The following PTPRD variants were observed in gnomAD, a reference collection of about 807,000 sequenced individuals.
PTPRD encodes protein tyrosine phosphatase receptor type D, also known as receptor-type tyrosine-protein phosphatase delta.
PTPRD carries 34 observed loss-of-function variants against 214.5 expected under a neutral mutation model. The observed-to-expected ratio is 0.16, with a 90% confidence interval of 0.12 to 0.21. PTPRD has a LOEUF of 0.21. Among genes scored for constraint, PTPRD ranks in the 10% least tolerant of loss-of-function variants. The probability of loss-of-function intolerance (pLI) is 1.00; values close to 1 mark genes in which losing one functional copy is unlikely to be tolerated. For missense variants in PTPRD, 2,545 were observed against 2,398.7 expected, an observed-to-expected ratio of 1.06 and a Z score of -1.27; for synonymous variants, 1,128 against 845.7, an observed-to-expected ratio of 1.33 and a Z score of -5.79.
chr9:10,279,526 T>C (rs1182035780), intron 3 of PTPRD, among the ~76,000 whole-genome samples: 2 of 152,154 alleles, frequency 1.3e-5, no homozygotes, highest in Non-Finnish European at 2.9e-5. Context: ...TTTTATCATT[T>C]CACTGATAAA....
chr9:9,106,095 A>C (rs2154445379), intron 10 of PTPRD, among the ~76,000 whole-genome samples: 1 of 152,258 alleles, frequency 6.6e-6, no homozygotes, highest in African/African-American at 2.4e-5. Context: ...CTACAACTAC[A>C]ACATAGCAAG....
chr9:9,122,271 G>A (rs961830894), intron 10 of PTPRD, among the ~76,000 whole-genome samples: 13 of 152,082 alleles, frequency 8.5e-5, no homozygotes, highest in African/African-American at 3.1e-4. Flanking sequence ...CTTGTCTTTG[G>A]AAAGACACAC....
Position 10,485,748 on chromosome 9 carries a change from AT to A in PTPRD, c.-600+126649del, listed in dbSNP as rs35153234. Among the ~76,000 whole-genome samples the A allele has an allele frequency of 2.3e-3, 343 of 151,650 alleles. 1 individual carries two copies. The highest frequency in any genetic ancestry group is 7.9e-3 in the African/African-American group (327 of 41,410). ...AATGAATTTGTTTATCAGTTCTAGT[AT>A]TTTTTTTGGTGGAATCTTTAGGTTT... is the stretch of plus-strand genomic sequence containing the variant. On this transcript the variant is annotated intron_variant, in intron 2 of 45. Coordinates refer to ENST00000381196, the MANE Select transcript of PTPRD (RefSeq NM_002839.4).
intron 2 of PTPRD, among the ~76,000 whole-genome samples, chr9:10,400,389 A>T (rs1191436217): frequency 2.0e-5 from 3 of 151,706 alleles, no homozygotes; most frequent in Non-Finnish European, 2.9e-5. Context: ...AAATAAATAC[A>T]TTTTTTCATG....
rs898939610 is a variant in PTPRD, at chr9:9,052,713, T to G, written c.-142-33978A>C. ...TGTTCCAATTCACTGGATTATACTG[T>G]CCACATAAGTACAAAGCTGTAAAGA... On this transcript the variant is annotated intron_variant, in intron 10 of 45. Coordinates refer to ENST00000381196, the MANE Select transcript of PTPRD (RefSeq NM_002839.4). 2.0e-5 allele frequency among the ~76,000 whole-genome samples: 3 copies of G among 152,212 alleles called. No homozygotes were observed. In the East Asian group the frequency reaches 5.8e-4, roughly 29 times the overall value.
intron 9 of PTPRD, among the ~76,000 whole-genome samples, chr9:9,369,549 A>G (rs544813112): frequency 2.8e-4 from 43 of 152,158 alleles, no homozygotes; most frequent in African/African-American, 9.4e-4. Flanking sequence ...ATTTTCTCCC[A>G]TTCTGTAGGT....
intron 5 of PTPRD, among the ~76,000 whole-genome samples, chr9:9,909,283 G>T (rs2078488290): frequency 6.7e-6 from 1 of 150,348 alleles, no homozygotes; most frequent in Admixed American, 6.6e-5. Context: ...GCATGCTGAT[G>T]AATGGGATTT....
At chr9:8,822,192 C>G (rs1163171366) in intron 11 of PTPRD, among the ~76,000 whole-genome samples, 1 of 152,100 alleles carries the variant, frequency 6.6e-6, no homozygotes, top group Non-Finnish European at 1.5e-5. Context: ...TACTCTGTAC[C>G]AAGTTGAGTC....
intron 2 of PTPRD, among the ~76,000 whole-genome samples, chr9:10,417,023 AG>A: frequency 6.6e-6 from 1 of 151,920 alleles, no homozygotes; most frequent in Non-Finnish European, 1.5e-5. Flanking sequence ...CTTGAATAGT[AG>A]AGGGTGTTGA....
chr9:10,212,536 T>C (rs781072228), intron 3 of PTPRD, among the ~76,000 whole-genome samples: 3 of 152,164 alleles, frequency 2.0e-5, no homozygotes, highest in Non-Finnish European at 4.4e-5. Flanking sequence ...ACACTGATCA[T>C]AATAAGAATG....
intron 3 of PTPRD, among the ~76,000 whole-genome samples, chr9:10,296,324 T>C (rs1246622777): frequency 6.6e-6 from 1 of 152,008 alleles, no homozygotes; most frequent in Admixed American, 6.6e-5. Context: ...CTGAAACTTA[T>C]ATTCGTTTTA....
At chr9:10,145,446 A>C (rs1165290975) in intron 3 of PTPRD, among the ~76,000 whole-genome samples, 1 of 152,158 alleles carries the variant, frequency 6.6e-6, no homozygotes, top group African/African-American at 2.4e-5. Flanking sequence ...ACTTCCACTT[A>C]ATAAATTGTA....
chr9:9,280,712 ATTTATAGAC>A (rs1164033118), intron 9 of PTPRD, among the ~76,000 whole-genome samples: 2 of 151,370 alleles, frequency 1.3e-5, no homozygotes, highest in Non-Finnish European at 3.0e-5. Flanking sequence ...TCCTAACTTG[ATTTATAGAC>A]TTAATACAAT....
intron 30 of PTPRD, among the ~76,000 whole-genome samples, chr9:8,478,268 A>C (rs2096806054): frequency 6.6e-6 from 1 of 152,172 alleles, no homozygotes; most frequent in South Asian, 2.1e-4. Flanking sequence ...ACTCACAAAC[A>C]CATGATTAAT....
intron 8 of PTPRD, among the ~76,000 whole-genome samples, chr9:9,475,303 T>C (rs2094943994): frequency 6.6e-6 from 1 of 152,182 alleles, no homozygotes; most frequent in Non-Finnish European, 1.5e-5. Context: ...AAACCAATAC[T>C]AGAATGTCAT....
intron 3 of PTPRD, among the ~76,000 whole-genome samples, chr9:10,112,163 C>G (rs867753013): frequency 6.6e-6 from 1 of 152,162 alleles, no homozygotes; most frequent in South Asian, 2.1e-4. Context: ...CAAGCAAATT[C>G]GCTTTTTGGA....
At chr9:10,204,736 C>A (rs186216530) in intron 3 of PTPRD, among the ~76,000 whole-genome samples, 1 of 151,976 alleles carries the variant, frequency 6.6e-6, no homozygotes, top group Non-Finnish European at 1.5e-5. Context: ...GAGAATAAAG[C>A]GTATATTCAG....
At chr9:10,019,928 T>C (rs1294775342) in intron 4 of PTPRD, among the ~76,000 whole-genome samples, 1 of 151,452 alleles carries the variant, frequency 6.6e-6, no homozygotes, top group Non-Finnish European at 1.5e-5. Context: ...TAAAGTATAA[T>C]AAAAAAAATT....
chr9:9,059,700 G>C (rs1306969132), intron 10 of PTPRD, among the ~76,000 whole-genome samples: 1 of 151,884 alleles, frequency 6.6e-6, no homozygotes, highest in African/African-American at 2.4e-5. Context: ...TATATACAAA[G>C]ATGAAATATC....
Sources: gnomAD v4.1 joint callset for allele counts (sites outside exome capture counted in the v4.1 genomes callset) on GRCh38, gnomAD v4.1.1 for gene constraint, MANE v1.5 for transcripts, NCBI Gene and HGNC (gene_info 2026-07-23, HGNC 2026-07-21) for gene names.